Variants in BRD4 observed in about 807,000 individuals in gnomAD.
BRD4 encodes bromodomain-containing protein 4.
In BRD4, 16 loss-of-function variants were observed where a neutral mutation model predicts 142.1. The observed-to-expected ratio is 0.11, with a 90% CI of 0.08 to 0.17. The LOEUF (loss-of-function observed/expected upper bound fraction) is 0.17. Among genes scored for constraint, BRD4 ranks in the 10% least tolerant of loss-of-function variants. The pLI, the probability that BRD4 is intolerant of heterozygous loss-of-function variation, is 1.00. For missense variants in BRD4, 1,424 were observed against 1,810.9 expected (o/e 0.79, Z 3.88); for synonymous variants, 833 against 707.5 (o/e 1.18, Z -2.82).
chr19:15,248,221 A>G (rs2047308768), intron 11 of BRD4: 1 of 220,272 alleles, frequency 4.5e-6, no homozygotes, highest in Admixed American at 5.8e-5. Context: ...AGAGCAAAAA[A>G]GCCTATTTGT....
Position 15,256,948 on chromosome 19 carries a change from C to A in BRD4, c.1551+16G>T, listed in dbSNP as rs1214384697. ...CGGACTCTGGGGATTAAGAATGGAG[C>A]CACCAATGCCCTCACCTGCTCCTGG... On this transcript the variant is annotated intron_variant, in intron 8 of 19. Coordinates refer to ENST00000679869, the MANE Select transcript of BRD4 (RefSeq NM_001379291.1). 1.3e-6 allele frequency: 2 copies of A among 1,545,598 alleles called. No homozygotes were observed. Among genetic ancestry groups the A allele is most frequent in the East Asian group, 2.4e-5 (1 of 41,644 alleles).
chr19:15,248,504 T>A (rs2047312004), intron 11 of BRD4: 1 of 221,156 alleles, frequency 4.5e-6, no homozygotes, highest in South Asian at 1.8e-4. Flanking sequence ...TCCTGCATAC[T>A]GCAGCCTGGT....
chr19:15,307,392 C>T (rs2145700851), intron 1 of BRD4, among the ~76,000 whole-genome samples: 1 of 152,272 alleles, frequency 6.6e-6, no homozygotes, highest in African/African-American at 2.4e-5. Context: ...ATTAAGCAAC[C>T]TGCTCCAGAT....
intron 3 of BRD4, 50 bp downstream of exon 3, chr19:15,268,855 C>T: frequency 3.7e-6 from 6 of 1,605,766 alleles, no homozygotes; most frequent in Non-Finnish European, 5.1e-6. Flanking sequence ...CTGCCGTCGC[C>T]TCCCCTCCTC....
At chr19:15,284,968 G>A (rs1245312220) in intron 1 of BRD4, among the ~76,000 whole-genome samples, 10 of 152,192 alleles carry the variant, frequency 6.6e-5, no homozygotes, top group African/African-American at 2.4e-4. Flanking sequence ...TGGAGGTGCT[G>A]GAGAGAAAAG....
In BRD4 at chr19:15,248,427, G is replaced by A. The variant is rs148194439; in HGVS notation, c.2159-3665C>T. 777 of 217,788 alleles carry A rather than the reference G, an allele frequency of 3.6e-3. 4 individuals are homozygous for A. Among genetic ancestry groups the A allele is most frequent in the Non-Finnish European group, 5.8e-3 (625 of 108,232 alleles). 13.5% of individuals were successfully genotyped at this position (217,788 alleles called of 1,614,324 possible). A position where few individuals can be genotyped will look rare whatever the true frequency, so the allele number is the denominator to read the frequency against. On this transcript the variant is annotated intron_variant, in intron 11 of 19. Transcript: ENST00000679869. ...CCAGACTCACCCCACTAGAGGAGGC[G>A]GGTGGGGTGAGGTGGGGTTGGGGGG...
chr19:15,246,966 A>G (rs1394432135), intron 11 of BRD4: 1 of 178,554 alleles, frequency 5.6e-6, no homozygotes, highest in South Asian at 2.0e-4. Context: ...GTAAAAGACA[A>G]GACAGGAAGT....
chr19:15,267,730 T>C (rs1317955202), intron 3 of BRD4, among the ~76,000 whole-genome samples, 179 bp from the exon 4 acceptor site: 1 of 152,176 alleles, frequency 6.6e-6, no homozygotes, highest in Non-Finnish European at 1.5e-5. Flanking sequence ...CACAGAGGCT[T>C]GTGTTCCCAC....
At chr19:15,294,807 A>C (rs1043740594) in intron 1 of BRD4, among the ~76,000 whole-genome samples, 3 of 152,148 alleles carry the variant, frequency 2.0e-5, no homozygotes, top group Non-Finnish European at 4.4e-5. Flanking sequence ...TGGGACACAG[A>C]CAGCCAGTGA....
At chr19:15,311,982 CT>C (rs1315665612) in intron 1 of BRD4, among the ~76,000 whole-genome samples, 6 of 152,258 alleles carry the variant, frequency 3.9e-5, no homozygotes, top group African/African-American at 1.2e-4. Context: ...AAGATGAAAA[CT>C]TTCTAGTGAT....
chr19:15,241,861 G>C (rs1431384284), intron 14 of BRD4, among the ~76,000 whole-genome samples: 4 of 144,074 alleles, frequency 2.8e-5, no homozygotes, highest in Non-Finnish European at 6.0e-5. Context: ...TGCCCAGACT[G>C]GAGTGCAGTG....
At chr19:15,297,071 A>G (rs1224990903) in intron 1 of BRD4, among the ~76,000 whole-genome samples, 1 of 152,250 alleles carries the variant, frequency 6.6e-6, no homozygotes, top group Non-Finnish European at 1.5e-5. Context: ...ATCTGTGAGG[A>G]GTAAACAAAA....
At position 15,265,748 on chromosome 19, in the gene BRD4, T is replaced by C. The variant is rs145123972; in HGVS notation, c.560-105A>G. ...CACACAGTGAACGCACATTCGCGTGTTGCATTTGCCTGAGAGACGAACATC... is the reference window on the plus strand; with the variant it reads ...CACACAGTGAACGCACATTCGCGTGCTGCATTTGCCTGAGAGACGAACATC... On this transcript the variant is annotated intron_variant, in intron 4 of 19. Coordinates refer to ENST00000679869, the MANE Select transcript of BRD4 (RefSeq NM_001379291.1). 5.8e-5 allele frequency: 72 copies of C among 1,251,158 alleles called. No individual in the cohort carries two copies. In the East Asian group the frequency reaches 1.4e-3, roughly 24 times the overall value. 77.5% of individuals were successfully genotyped at this position (1,251,158 alleles called of 1,614,324 possible).
At chr19:15,302,738 G>A (rs2047880811) in intron 1 of BRD4, among the ~76,000 whole-genome samples, 1 of 150,538 alleles carries the variant, frequency 6.6e-6, no homozygotes, top group Admixed American at 6.7e-5. Context: ...GGGCGCAGTG[G>A]TTCACGCCTG....
At chr19:15,241,076 A>G (rs563947165) in intron 14 of BRD4, among the ~76,000 whole-genome samples, 2 of 152,274 alleles carry the variant, frequency 1.3e-5, no homozygotes, top group East Asian at 1.9e-4. Flanking sequence ...GCCAGAAGAC[A>G]CTGCAGCTGC....
chr19:15,309,247 G>T (rs2047944771), intron 1 of BRD4, among the ~76,000 whole-genome samples: 1 of 149,500 alleles, frequency 6.7e-6, no homozygotes, highest in African/African-American at 2.5e-5. Context: ...GCAGGAGAAT[G>T]GCATGAACCC....
At chr19:15,322,137 C>G (rs1016180994) in intron 1 of BRD4, among the ~76,000 whole-genome samples, 2 of 152,184 alleles carry the variant, frequency 1.3e-5, no homozygotes, top group Admixed American at 1.3e-4. Context: ...ATCATGTACA[C>G]AACACCTAAG....
At chr19:15,248,360 G>A (rs2145535117) in intron 11 of BRD4, 1 of 215,372 alleles carries the variant, frequency 4.6e-6, no homozygotes, top group Admixed American at 5.8e-5. Context: ...TGTCCATGGG[G>A]CAGTCCCTGA....
intron 1 of BRD4, among the ~76,000 whole-genome samples, chr19:15,308,529 G>T (rs1375642236): frequency 6.6e-6 from 1 of 151,026 alleles, no homozygotes; most frequent in Non-Finnish European, 1.5e-5. Flanking sequence ...GGACGTTGCA[G>T]TGAGCCAAGA....
Sources: allele counts gnomAD v4.1 joint callset (sites outside exome capture counted in the v4.1 genomes callset), GRCh38; gene constraint gnomAD v4.1.1; transcripts MANE v1.5; gene names NCBI Gene and HGNC (gene_info 2026-07-23, HGNC 2026-07-21).